The following IMMT variants were observed in gnomAD, a reference collection of about 807,000 sequenced individuals.
IMMT encodes the protein MICOS complex subunit MIC60.
In IMMT, 40 loss-of-function variants were observed where a neutral mutation model predicts 92.7. That is an observed-to-expected ratio of 0.43 (90% CI 0.34 to 0.56). The LOEUF (loss-of-function observed/expected upper bound fraction) is 0.56. Among genes scored for constraint, IMMT ranks in the 20% least tolerant of loss-of-function variants. The probability of loss-of-function intolerance (pLI) is 0.03; values close to 1 mark genes in which losing one functional copy is unlikely to be tolerated. For synonymous variants in IMMT, 322 were observed against 336.1 expected, an observed-to-expected ratio of 0.96 and a Z score of 0.46; for missense variants, 831 against 912.1, an observed-to-expected ratio of 0.91 and a Z score of 1.14.
intron 1 of IMMT, among the ~76,000 whole-genome samples, chr2:86,184,592 A>AG (rs1365173821): frequency 4.6e-5 from 7 of 152,140 alleles, no homozygotes; most frequent in Admixed American, 6.5e-5. Context: ...TACCTAGAAG[A>AG]GGGGTGCTAC....
chr2:86,150,700 A>T (rs747553511), intron 12 of IMMT, among the ~76,000 whole-genome samples: 1 of 152,194 alleles, frequency 6.6e-6, no homozygotes, highest in Non-Finnish European at 1.5e-5. Context: ...CACTGCTTTA[A>T]GGGACAGAGG....
intron 3 of IMMT, among the ~76,000 whole-genome samples, chr2:86,178,816 C>A (rs941783350): frequency 1.3e-5 from 2 of 152,098 alleles, no homozygotes; most frequent in African/African-American, 4.8e-5. Flanking sequence ...AATCCCAACA[C>A]TTTGGGAGGC....
chr2:86,164,684 T>C (rs34642473), intron 7 of IMMT, among the ~76,000 whole-genome samples: 60,429 of 132,530 alleles, frequency 0.46, 14,085 homozygotes, highest in Non-Finnish European at 0.52. Context: ...AGCAAGACTC[T>C]GTCTCAAAAA....
At chr2:86,164,688 T>TAAAAAAA (rs1676542395) in intron 7 of IMMT, among the ~76,000 whole-genome samples, 1 of 37,806 alleles carries the variant, frequency 2.6e-5, no homozygotes, top group Non-Finnish European at 7.1e-5. Context: ...AGACTCTGTC[T>TAAAAAAA]CAAAAAAAAA....
intron 7 of IMMT, among the ~76,000 whole-genome samples, chr2:86,162,842 C>CA (rs1167358288): frequency 2.6e-5 from 4 of 151,752 alleles, no homozygotes; most frequent in Non-Finnish European, 2.9e-5. Flanking sequence ...GACTACTTCT[C>CA]AAAAAAAAGT....
At chr2:86,147,951 T>C (rs1675151962) in intron 12 of IMMT, 118 bp from the exon 13 acceptor site, 2 of 906,422 alleles carry the variant, frequency 2.2e-6, no homozygotes, top group East Asian at 2.5e-5. Context: ...ACGCCTCTAA[T>C]GTGCCAGGCA....
chr2:86,158,335 A>C, intron 10 of IMMT: 1 of 244,246 alleles, frequency 4.1e-6, no homozygotes, highest in Non-Finnish European at 7.9e-6. Flanking sequence ...TTTGAGTAGC[A>C]AATATCAGAA....
intron 14 of IMMT, among the ~76,000 whole-genome samples, chr2:86,145,826 T>C (rs1674958879): frequency 6.6e-6 from 1 of 152,148 alleles, no homozygotes; most frequent in Non-Finnish European, 1.5e-5. Context: ...ACATGCGACA[T>C]AGCCAAAGGA....
intron 3 of IMMT, among the ~76,000 whole-genome samples, chr2:86,178,954 C>T (rs187733561): frequency 5.4e-4 from 82 of 151,116 alleles, no homozygotes; most frequent in Admixed American, 4.0e-4. Flanking sequence ...CCCAGCTACT[C>T]GGGAGGCTGA....
At chr2:86,149,475 A>C (rs573525707) in intron 12 of IMMT, among the ~76,000 whole-genome samples, 1 of 152,318 alleles carries the variant, frequency 6.6e-6, no homozygotes, top group African/African-American at 2.4e-5. Flanking sequence ...TGATTCGACT[A>C]TGTTTTATTT....
chr2:86,162,571 C>T (rs773787460), intron 7 of IMMT, among the ~76,000 whole-genome samples: 5 of 151,996 alleles, frequency 3.3e-5, no homozygotes, highest in South Asian at 4.2e-4. Context: ...TTTGGCCGGG[C>T]GCAGTGGCTC....
intron 11 of IMMT, among the ~76,000 whole-genome samples, chr2:86,152,590 G>A (rs1218183474): frequency 2.0e-5 from 3 of 151,576 alleles, no homozygotes; most frequent in African/African-American, 7.3e-5. Flanking sequence ...GTGAAACCCT[G>A]ACTCTACTAA....
rs1357836413 is a variant in IMMT, at chr2:86,144,114, A to G, written c.*154T>C. 1 of 785,732 alleles carries G rather than the reference A, an allele frequency of 1.3e-6. No individual in the cohort carries two copies. The highest frequency in any genetic ancestry group is 2.0e-6 in the Non-Finnish European group (1 of 503,648). 48.7% of individuals were successfully genotyped at this position (785,732 alleles called of 1,614,324 possible). ...GTTCACTGACATGATAGCAAATGGA[A>G]AGAATATAAATGCAACAGGTGTTAA... On this transcript the variant is annotated 3_prime_UTR_variant, in exon 15 of 15. Coordinates refer to ENST00000410111, the MANE Select transcript of IMMT (RefSeq NM_006839.3).
chr2:86,186,050 G>A (rs1200859595), intron 1 of IMMT, among the ~76,000 whole-genome samples: 1 of 152,182 alleles, frequency 6.6e-6, no homozygotes, highest in Non-Finnish European at 1.5e-5. Context: ...TCCTGTGTCT[G>A]TCATACCACC....
chr2:86,160,679 C>T (rs1471586302), intron 8 of IMMT, among the ~76,000 whole-genome samples: 1 of 152,182 alleles, frequency 6.6e-6, no homozygotes, highest in East Asian at 1.9e-4. Context: ...ATGTAGGTTT[C>T]CATCAACAGA....
chr2:86,148,277 C>T (rs1675186416), intron 12 of IMMT, among the ~76,000 whole-genome samples: 1 of 152,200 alleles, frequency 6.6e-6, no homozygotes, highest in African/African-American at 2.4e-5. Flanking sequence ...TCCACTTTCT[C>T]ATTTGTGAGT....
At position 86,166,555 on chromosome 2, in the gene IMMT, C is replaced by T; in HGVS notation, c.745G>A (p.Val249Ile). 6.2e-7 allele frequency: 1 copy of T among 1,613,202 alleles called. No individual in the cohort carries two copies. The highest frequency in any genetic ancestry group is 1.1e-5 in the South Asian group (1 of 91,026). Residue 249 changes from valine to isoleucine, a missense_variant, in exon 7 of 15, where the codon GTC (valine) becomes ATC (isoleucine). Coordinates refer to ENST00000410111, the MANE Select transcript of IMMT (RefSeq NM_006839.3). ...TTCAATATGTTGGAGTGTGCATTGA[C>T]AGCCTGGACCGCAGCATTCTGAGCT... ...IAAQNAAVQA[V>I]NAHSNILKAA...
At chr2:86,181,221 T>A in intron 2 of IMMT, 78 bp downstream of exon 2, 2 of 1,055,728 alleles carry the variant, frequency 1.9e-6, no homozygotes, top group Non-Finnish European at 2.9e-6. Flanking sequence ...AGACAGCTAT[T>A]CCCATATTCA....
At chr2:86,185,922 G>C (rs559264512) in intron 1 of IMMT, among the ~76,000 whole-genome samples, 43 of 152,258 alleles carry the variant, frequency 2.8e-4, no homozygotes, top group African/African-American at 1.0e-3. Flanking sequence ...GTAGGACTGA[G>C]CTCTCATCAA....
Sources: gnomAD v4.1 joint callset for allele counts (sites outside exome capture counted in the v4.1 genomes callset) on GRCh38, gnomAD v4.1.1 for gene constraint, MANE v1.5 for transcripts, NCBI Gene and HGNC (gene_info 2026-07-23, HGNC 2026-07-21) for gene names.